PTPRK: variants seen among roughly 807,000 people sequenced by gnomAD.
PTPRK encodes receptor-type tyrosine-protein phosphatase kappa.
A neutral mutation model predicts 178.0 loss-of-function variants in PTPRK; 75 were observed. The ratio of observed to expected loss-of-function variants is 0.42; its 90% confidence interval spans 0.35 to 0.51. The LOEUF (loss-of-function observed/expected upper bound fraction) is 0.51. Ranked by LOEUF, PTPRK falls within the 20% of genes least tolerant of loss-of-function variation. PTPRK has a pLI of 0.02. For synonymous variants in PTPRK, 637 were observed against 620.6 expected, an observed-to-expected ratio of 1.03 and a Z score of -0.39; for missense variants, 1,441 against 1,797.8, an observed-to-expected ratio of 0.80 and a Z score of 3.59.
At chr6:128,274,752 G>A (rs917154984) in intron 3 of PTPRK, among the ~76,000 whole-genome samples, 1 of 152,000 alleles carries the variant, frequency 6.6e-6, no homozygotes, top group Non-Finnish European at 1.5e-5. Flanking sequence ...CAGATTACAG[G>A]AGAGTACAAA....
chr6:128,133,389 C>T (rs569239867), intron 7 of PTPRK, among the ~76,000 whole-genome samples: 3,879 of 152,090 alleles, frequency 0.026, 75 homozygotes, highest in Middle Eastern at 0.096. Context: ...TATAAGGAAT[C>T]GGTATTTCTC....
chr6:128,347,679 C>A (rs1832597125), intron 2 of PTPRK, among the ~76,000 whole-genome samples: 1 of 152,002 alleles, frequency 6.6e-6, no homozygotes, highest in Non-Finnish European at 1.5e-5. Flanking sequence ...TTTAAGCTCA[C>A]TTACTGTTTT....
intron 13 of PTPRK, among the ~76,000 whole-genome samples, chr6:128,017,101 T>C (rs1043553001): frequency 2.0e-5 from 3 of 152,010 alleles, no homozygotes; most frequent in African/African-American, 4.8e-5. Context: ...AAATTCTAGC[T>C]AATAAATTAT....
At chr6:128,484,097 A>C (rs1409200953) in intron 1 of PTPRK, among the ~76,000 whole-genome samples, 1 of 152,062 alleles carries the variant, frequency 6.6e-6, no homozygotes, top group Non-Finnish European at 1.5e-5. Context: ...TAACTGGTAA[A>C]TCCTAGATAG....
In PTPRK at chr6:127,985,784, G is replaced by A. The variant is rs779219457; in HGVS notation, c.3188C>T (p.Ser1063Phe). ...GVPYHATGLL[S>F]FIRRVKLSNP... Reference sequence around the variant, plus strand: ...TGATAACTTGACTCGCCGGATAAAGGAAAGCAGCCCTGTAGCATGGTAGGG... The same window carrying A: ...TGATAACTTGACTCGCCGGATAAAGAAAAGCAGCCCTGTAGCATGGTAGGG... Residue 1063 changes from serine to phenylalanine, a missense_variant, in exon 22 of 30, where the codon TCC (serine) becomes TTC (phenylalanine). Transcript: ENST00000368226. 1 of 1,613,928 alleles carries A rather than the reference G, an allele frequency of 6.2e-7. No individual in the cohort carries two copies. Among genetic ancestry groups the A allele is most frequent in the Non-Finnish European group, 8.5e-7 (1 of 1,179,900 alleles).
chr6:128,353,459 A>G (rs868239481), intron 2 of PTPRK, among the ~76,000 whole-genome samples: 11 of 152,212 alleles, frequency 7.2e-5, no homozygotes, highest in African/African-American at 2.4e-4. Flanking sequence ...AAAAAACAAA[A>G]ATGTCCCTCA....
At chr6:128,260,117 T>C (rs879522924) in intron 3 of PTPRK, among the ~76,000 whole-genome samples, 27 of 152,300 alleles carry the variant, frequency 1.8e-4, no homozygotes, top group Non-Finnish European at 1.9e-4. Context: ...AAAATCTTTT[T>C]TTAGACCTAT....
At chr6:128,344,659 G>A (rs1036874629) in intron 2 of PTPRK, among the ~76,000 whole-genome samples, 16 of 151,970 alleles carry the variant, frequency 1.1e-4, no homozygotes, top group African/African-American at 3.6e-4. Flanking sequence ...GGGACTATAG[G>A]CACACACCAT....
At chr6:128,098,973 A>T (rs1194792985) in intron 7 of PTPRK, among the ~76,000 whole-genome samples, 1 of 151,992 alleles carries the variant, frequency 6.6e-6, no homozygotes, top group Non-Finnish European at 1.5e-5. Context: ...TAAATATTGG[A>T]ATAATAATTC....
At chr6:128,400,983 T>G (rs1840938577) in intron 1 of PTPRK, among the ~76,000 whole-genome samples, 1 of 152,196 alleles carries the variant, frequency 6.6e-6, no homozygotes, top group South Asian at 2.1e-4. Flanking sequence ...TTTCAGCTGT[T>G]TCATTTGCTA....
chr6:128,058,763 C>T (rs544221831), intron 13 of PTPRK, among the ~76,000 whole-genome samples: 1 of 151,674 alleles, frequency 6.6e-6, no homozygotes, highest in African/African-American at 2.4e-5. Context: ...ATGGTGGAGT[C>T]AATCTTTGAC....
At chr6:128,178,542 T>C (rs1801434910) in intron 7 of PTPRK, among the ~76,000 whole-genome samples, 2 of 151,942 alleles carry the variant, frequency 1.3e-5, no homozygotes, top group South Asian at 4.1e-4. Flanking sequence ...ATAACATATC[T>C]TTAAAATCCC....
intron 7 of PTPRK, among the ~76,000 whole-genome samples, chr6:128,137,726 G>A (rs185874831): frequency 6.6e-6 from 1 of 152,088 alleles, no homozygotes; most frequent in African/African-American, 2.4e-5. Flanking sequence ...GAAGTAATGG[G>A]AGGCTCATAA....
intron 7 of PTPRK, among the ~76,000 whole-genome samples, chr6:128,098,375 GGTGT>G (rs1788240956): frequency 6.6e-6 from 1 of 152,004 alleles, no homozygotes; most frequent in African/African-American, 2.4e-5. Context: ...CAAAAGTGTG[GGTGT>G]GCTAGTTGTC....
chr6:128,485,234 T>C (rs1396659521), intron 1 of PTPRK, among the ~76,000 whole-genome samples: 1 of 152,204 alleles, frequency 6.6e-6, no homozygotes, highest in African/African-American at 2.4e-5. Flanking sequence ...TTGGTTATAT[T>C]AGTACACATC....
intron 1 of PTPRK, among the ~76,000 whole-genome samples, chr6:128,438,341 C>T (rs1377423325): frequency 1.3e-5 from 2 of 152,212 alleles, no homozygotes; most frequent in Non-Finnish European, 2.9e-5. Flanking sequence ...CACACAGTAA[C>T]ACTCTAAACC....
intron 11 of PTPRK, among the ~76,000 whole-genome samples, chr6:128,069,019 A>G (rs537185865): frequency 6.6e-6 from 1 of 152,114 alleles, no homozygotes; most frequent in African/African-American, 2.4e-5. Context: ...CATCTATGAA[A>G]ATTAAAACAG....
At chr6:128,234,742 T>G (rs963052620) in intron 5 of PTPRK, among the ~76,000 whole-genome samples, 11 of 152,308 alleles carry the variant, frequency 7.2e-5, no homozygotes, top group African/African-American at 2.6e-4. Flanking sequence ...ACATGTAGGT[T>G]TTTTCTAATT....
intron 1 of PTPRK, among the ~76,000 whole-genome samples, chr6:128,448,633 A>C (rs1459735747): frequency 6.6e-6 from 1 of 152,208 alleles, no homozygotes; most frequent in Non-Finnish European, 1.5e-5. Context: ...AACAAAAATC[A>C]AAGATTTTCT....
Sources: gnomAD v4.1 joint callset for allele counts (sites outside exome capture counted in the v4.1 genomes callset) on GRCh38, gnomAD v4.1.1 for gene constraint, MANE v1.5 for transcripts, NCBI Gene and HGNC (gene_info 2026-07-23, HGNC 2026-07-21) for gene names.